MRPS18A: variants seen among roughly 807,000 people sequenced by gnomAD.
The protein encoded by MRPS18A is mitochondrial ribosomal protein S18A.
Under a neutral mutation model 22.7 loss-of-function variants are expected in MRPS18A, and 20 were observed. The observed-to-expected ratio is 0.88, with a 90% CI of 0.62 to 1.28. The LOEUF (loss-of-function observed/expected upper bound fraction) is 1.28, where lower values mean the gene tolerates loss of function less well. Among genes scored for constraint, MRPS18A ranks in the 50% most tolerant of loss-of-function variants. The probability of loss-of-function intolerance (pLI) is 0.00; values close to 1 mark genes in which losing one functional copy is unlikely to be tolerated. For synonymous variants in MRPS18A, 106 were observed against 99.1 expected (o/e 1.07, Z -0.41); for missense variants, 294 against 262.6 (o/e 1.12, Z -0.83).
At chr6:43,686,291 A>G (rs1237880134) in intron 1 of MRPS18A, among the ~76,000 whole-genome samples, 1 of 152,258 alleles carries the variant, frequency 6.6e-6, no homozygotes, top group Non-Finnish European at 1.5e-5. Context: ...AGACTCCCCA[A>G]AATGGTATGG....
intron 5 of MRPS18A, chr6:43,672,205 CGAAGAG>C: frequency 2.1e-6 from 1 of 480,592 alleles, no homozygotes; most frequent in Non-Finnish European, 4.0e-6. Context: ...GAAAAGGTGG[CGAAGAG>C]GCTGCCTGAA....
intron 1 of MRPS18A, among the ~76,000 whole-genome samples, chr6:43,684,493 T>G (rs1774583186): frequency 1.3e-5 from 2 of 152,198 alleles, no homozygotes; most frequent in Non-Finnish European, 2.9e-5. Flanking sequence ...ACTCTACCAT[T>G]AAAGTTTCTG....
At chr6:43,681,622 G>A (rs964667228) in intron 1 of MRPS18A, among the ~76,000 whole-genome samples, 2 of 152,202 alleles carry the variant, frequency 1.3e-5, no homozygotes, top group African/African-American at 4.8e-5. Flanking sequence ...CCCAGTGAAT[G>A]AGCAAAAAGA....
chr6:43,675,732 A>C (rs976270696), intron 3 of MRPS18A, 115 bp from the exon 4 acceptor site: 2 of 1,256,570 alleles, frequency 1.6e-6, no homozygotes, highest in Admixed American at 2.5e-5. Context: ...CCTAGCTGAG[A>C]TCACTTCCTC....
intron 1 of MRPS18A, among the ~76,000 whole-genome samples, chr6:43,683,162 A>C (rs1774506932): frequency 6.6e-6 from 1 of 152,176 alleles, no homozygotes; most frequent in South Asian, 2.1e-4. Flanking sequence ...AAACAGATCA[A>C]AGCCCATGGC....
At chr6:43,681,311 G>T (rs1275948807) in intron 1 of MRPS18A, among the ~76,000 whole-genome samples, 191 bp from the exon 2 acceptor site, 1 of 152,244 alleles carries the variant, frequency 6.6e-6, no homozygotes, top group African/African-American at 2.4e-5. Flanking sequence ...CTTGAGGCGG[G>T]GTGGGGGCAA....
intron 2 of MRPS18A, among the ~76,000 whole-genome samples, chr6:43,679,603 A>G (rs1774273900): frequency 6.6e-6 from 1 of 152,156 alleles, no homozygotes; most frequent in Non-Finnish European, 1.5e-5. Flanking sequence ...GGAGTTTAGA[A>G]AGCCTGGCTG....
intron 5 of MRPS18A, 179 bp from the exon 6 acceptor site, chr6:43,672,085 G>A: frequency 1.3e-6 from 1 of 742,592 alleles, no homozygotes; most frequent in Non-Finnish European, 2.1e-6. Context: ...CCTGTAAACA[G>A]ATGGGCTGGG....
intron 1 of MRPS18A, among the ~76,000 whole-genome samples, chr6:43,683,676 G>C (rs1384585365): frequency 6.6e-6 from 1 of 152,170 alleles, no homozygotes; most frequent in African/African-American, 2.4e-5. Flanking sequence ...TTCTAAACTG[G>C]AACTAAGGGC....
At position 43,679,165 on chromosome 6, in the gene MRPS18A, C is replaced by T. The variant is rs533063216; in HGVS notation, c.145-540G>A. On this transcript the variant is annotated intron_variant, in intron 2 of 5. Coordinates refer to ENST00000372133, the MANE Select transcript of MRPS18A (RefSeq NM_018135.4). ...TCTCAACCAGAGGTGATTTTGCTCC[C>T]CAGGGGACATCTGGCAATGTCTGGA... is the stretch of plus-strand genomic sequence containing the variant. Among the ~76,000 whole-genome samples the T allele has an allele frequency of 5.3e-5, 8 of 152,294 alleles. No homozygotes were observed. The South Asian group carries it at 1.2e-3, about 24-fold the overall frequency.
chr6:43,675,603 AAGC>A lies in MRPS18A; in HGVS notation c.264_266del (p.Leu89del). 2 of 1,612,258 alleles carry A rather than the reference AAGC, an allele frequency of 1.2e-6. No individual in the cohort carries two copies. The highest frequency in any genetic ancestry group is 1.1e-5 in the South Asian group (1 of 91,010). ...CTCCATGAGGCCGGATGAACTGGCT[AAGC>A]AGCAGAACATCCTAGTGGAAACCGA... On this transcript the variant is annotated inframe_deletion, in exon 4 of 6. Transcript: ENST00000372133.
Position 43,681,102 on chromosome 6 carries a change from C to T in MRPS18A, c.131G>A (p.Gly44Glu). The T allele has an allele frequency of 4.3e-6, 7 of 1,613,544 alleles. No homozygotes were observed. The highest frequency in any genetic ancestry group is 2.2e-5 in the South Asian group (2 of 90,992). Residue 44 changes from glycine to glutamate, a missense_variant, in exon 2 of 6, where the codon GGG (glycine) becomes GAG (glutamate). Transcript: ENST00000372133. The part of the protein sequence containing the change: ...GFREVVETQE[G>E]KTTIIEGRIT... ...AACGATACTTACTATAGTTGTCTTC[C>T]CTTCTTGGGTCTCCACCACTACGGA...
chr6:43,685,196 C>T (rs893272076), intron 1 of MRPS18A, among the ~76,000 whole-genome samples: 1 of 152,192 alleles, frequency 6.6e-6, no homozygotes, highest in African/African-American at 2.4e-5. Context: ...TAATATCTAC[C>T]TTTAAGGTGT....
intron 3 of MRPS18A, 28 bp downstream of exon 3, chr6:43,678,490 A>C: frequency 6.6e-7 from 1 of 1,521,336 alleles, no homozygotes; most frequent in South Asian, 1.1e-5. Context: ...TGACACACAG[A>C]ACCGAGTGTC....
intron 1 of MRPS18A, among the ~76,000 whole-genome samples, chr6:43,686,462 G>T (rs1356667128): frequency 1.3e-5 from 2 of 152,040 alleles, no homozygotes; most frequent in South Asian, 2.1e-4. Context: ...CTTCCCTTAC[G>T]GGCTAAATTC....
intron 5 of MRPS18A, chr6:43,672,672 G>T (rs1773805322): frequency 3.7e-6 from 1 of 267,742 alleles, no homozygotes; most frequent in Non-Finnish European, 7.8e-6. Flanking sequence ...CTCCATTCTA[G>T]GTTGGGGCTC....
chr6:43,681,203 T>A, intron 1 of MRPS18A, 83 bp from the exon 2 acceptor site: 4 of 1,433,256 alleles, frequency 2.8e-6, no homozygotes, highest in Non-Finnish European at 3.9e-6. Context: ...ATTCTACACA[T>A]CTGGAAAAAA....
intron 3 of MRPS18A, 70 bp downstream of exon 3, chr6:43,678,448 G>T: frequency 8.6e-7 from 1 of 1,167,978 alleles, no homozygotes; most frequent in Non-Finnish European, 1.3e-6. Flanking sequence ...GGGACATGCT[G>T]CTCCAGTTAA....
In MRPS18A at chr6:43,678,625, T is replaced by C. The variant is rs767507852; in HGVS notation, c.145A>G (p.Ile49Val). The C allele has an allele frequency of 3.7e-6, 6 of 1,610,110 alleles. No homozygotes were observed. The highest frequency in any genetic ancestry group is 1.3e-5 in the African/African-American group (1 of 74,914). Residue 49 changes from isoleucine to valine, a missense_variant and splice_region_variant, in exon 3 of 6, where the codon ATT (isoleucine) becomes GTT (valine). Coordinates refer to ENST00000372133, the MANE Select transcript of MRPS18A (RefSeq NM_018135.4). ...GGAGTCGCTGTGATACGGCCTTCAA[T>C]CTAGGAGACAGAGAAAGTGAGCCAG... ...VETQEGKTTI[I>V]EGRITATPKE...
Sources: allele counts gnomAD v4.1 joint callset (sites outside exome capture counted in the v4.1 genomes callset), GRCh38; gene constraint gnomAD v4.1.1; transcripts MANE v1.5; gene names NCBI Gene and HGNC (gene_info 2026-07-23, HGNC 2026-07-21).